Variants in BTNL9 observed in about 807,000 individuals in gnomAD.
The protein encoded by BTNL9 is butyrophilin like 9, also known as butyrophilin-like protein 9.
A neutral mutation model predicts 45.8 loss-of-function variants in BTNL9; 45 were observed. That is an observed-to-expected ratio of 0.98 (90% CI 0.77 to 1.26). BTNL9 has a LOEUF of 1.26. Ranked by LOEUF, BTNL9 falls within the 50% of genes most tolerant of loss-of-function variation. The pLI, the probability that BTNL9 is intolerant of heterozygous loss-of-function variation, is 0.00. For missense variants in BTNL9, 784 were observed against 729.7 expected (o/e 1.07, Z -0.86); for synonymous variants, 346 against 330.8 (o/e 1.05, Z -0.50).
intron 2 of BTNL9, 61 bp from the exon 3 acceptor site, chr5:181,047,866 T>C: frequency 7.1e-7 from 1 of 1,415,358 alleles, no homozygotes; most frequent in Non-Finnish European, 9.7e-7. Context: ...TAAAGGGGTG[T>C]GATAACTTTT....
intron 3 of BTNL9, among the ~76,000 whole-genome samples, chr5:181,049,451 G>A (rs79849473): frequency 0.013 from 2,024 of 152,266 alleles, 50 homozygotes; most frequent in African/African-American, 0.046. Context: ...AGAAAAGTAA[G>A]ATGCAAGGTT....
chr5:181,048,153 C>T lies in BTNL9; in HGVS notation c.336C>T (p.Ala112=). 2 of 1,613,580 alleles carry T rather than the reference C, an allele frequency of 1.2e-6. No individual in the cohort carries two copies. Among genetic ancestry groups the T allele is most frequent in the South Asian group, 2.2e-5 (2 of 91,076 alleles). The change falls in exon 3 of 11, where the codon GCC becomes GCT. Residue 112 remains alanine (A), a synonymous_variant. Coordinates refer to ENST00000327705, the MANE Select transcript of BTNL9 (RefSeq NM_152547.5). ...CCAAGTTGGTCAAGGACGACATCGC[C>T]TATGGCAGCGTGGTCCTGCAGCTTC... The part of the protein sequence containing the change: ...NRTKLVKDDI[A]YGSVVLQLHS...
rs1761442960 is a variant in BTNL9, at chr5:181,049,955, C to T, written c.455-133C>T. 5 of 1,184,666 alleles carry T rather than the reference C, an allele frequency of 4.2e-6. No homozygotes were observed. The East Asian group carries it at 9.5e-5, about 23-fold the overall frequency. The allele number at this position is 1,184,666 out of a possible 1,614,324, so 73.4% of individuals were successfully genotyped here. ...CCGTCCATGGGCGGGGAGCGCCAAG[C>T]CCACACACGTCTTAATAGCAGTCAC... is the stretch of plus-strand genomic sequence containing the variant. On this transcript the variant is annotated intron_variant, in intron 3 of 10. Transcript: ENST00000327705.
chr5:181,044,365 C>G (rs1187659223), intron 1 of BTNL9, among the ~76,000 whole-genome samples: 1 of 152,106 alleles, frequency 6.6e-6, no homozygotes, highest in Non-Finnish European at 1.5e-5. Flanking sequence ...TGGGGGCCGA[C>G]GGGGAGACAG....
chr5:181,055,189 T>C lies in BTNL9; in HGVS notation c.908-244T>C. On this transcript the variant is annotated intron_variant, in intron 7 of 10. Coordinates refer to ENST00000327705, the MANE Select transcript of BTNL9 (RefSeq NM_152547.5). This position sits in a 1 kb window ranked among gnomAD's most constrained non-coding sequence, Gnocchi z 4.4. ...GAGGCCTGTCAGTACTAAGATCTGG[T>C]ATCCCTTCTAGGCTGTGTGCAGATT... 7.4e-7 allele frequency: 1 copy of C among 1,358,362 alleles called. No individual in the cohort carries two copies. Among genetic ancestry groups the C allele is most frequent in the Non-Finnish European group, 9.5e-7 (1 of 1,055,434 alleles). 84.1% of individuals were successfully genotyped at this position (1,358,362 alleles called of 1,614,324 possible).
rs896854809 is a variant in BTNL9 at position 181,054,464 on chromosome 5, C to G, written c.907+205C>G. On this transcript the variant is annotated intron_variant, in intron 7 of 10. Transcript: ENST00000327705. Reference sequence around the variant, plus strand: ...CTGCCCGAGACCCTCTGCACAGACCCTGCCAGCTCCTCCCCTGCAAATTAG... The same window carrying G: ...CTGCCCGAGACCCTCTGCACAGACCGTGCCAGCTCCTCCCCTGCAAATTAG... 21 of 985,352 alleles carry G rather than the reference C, an allele frequency of 2.1e-5. No individual in the cohort carries two copies. In the East Asian group the frequency reaches 2.3e-3, roughly 106 times the overall value. 61.0% of individuals were successfully genotyped at this position (985,352 alleles called of 1,614,324 possible).
intron 6 of BTNL9, 28 bp from the exon 7 acceptor site, chr5:181,054,211 T>C: frequency 6.2e-7 from 1 of 1,611,504 alleles, no homozygotes; most frequent in Non-Finnish European, 8.5e-7. Flanking sequence ...TCCCCTTTTC[T>C]TCATCTTTTT....
rs1760842913 is a variant in BTNL9 at position 181,042,757 on chromosome 5, C to T, written c.-24+2325C>T. ...GCAGCGGGATTTTAAATTTTGTATTCATTAGTTGGCTGGTTGGCTGGTTTT... is the reference window on the plus strand; with the variant it reads ...GCAGCGGGATTTTAAATTTTGTATTTATTAGTTGGCTGGTTGGCTGGTTTT... On this transcript the variant is annotated intron_variant, in intron 1 of 10. Transcript: ENST00000327705. This position sits in a 1 kb window ranked among gnomAD's most constrained non-coding sequence, Gnocchi z 4.5. Among the ~76,000 whole-genome samples the T allele has an allele frequency of 1.3e-5, 2 of 152,250 alleles. No individual in the cohort carries two copies.
chr5:181,048,227 C>G lies in BTNL9; in HGVS notation c.410C>G (p.Ser137Cys). Residue 137 changes from serine to cysteine, a missense_variant, in exon 3 of 11, where the codon TCC (serine) becomes TGC (cysteine). Physicochemically the swap from Ser to Cys is moderately radical, Grantham distance 112. Transcript: ENST00000327705. Reference sequence around the variant, plus strand: ...GGCACATATGGCTGCCGCTTCCACTCCGACAACTTCTCTGGCGAAGCTCTC... The same window carrying G: ...GGCACATATGGCTGCCGCTTCCACTGCGACAACTTCTCTGGCGAAGCTCTC... ...DKGTYGCRFH[S>C]DNFSGEALWE... 6.2e-7 allele frequency: 1 copy of G among 1,612,548 alleles called. No individual in the cohort carries two copies. The highest frequency in any genetic ancestry group is 8.5e-7 in the Non-Finnish European group (1 of 1,179,372).
At chr5:181,058,037 ACTT>A (rs1761971135) in intron 9 of BTNL9, among the ~76,000 whole-genome samples, 2 of 152,162 alleles carry the variant, frequency 1.3e-5, no homozygotes, top group Admixed American at 1.3e-4. Flanking sequence ...CTGAGGCTCC[ACTT>A]CTGTCTCTCA....
chr5:181,053,483 C>T lies in BTNL9; in HGVS notation c.868C>T (p.Gln290Ter), dbSNP rs1049279567. The change falls in exon 6 of 11, where the codon CAG becomes TAG. Residue 290 changes from glutamine to a stop codon, truncating the protein, a stop_gained. Transcript: ENST00000327705. LOFTEE classifies it high-confidence loss of function. This position sits in a 1 kb window ranked among gnomAD's most constrained non-coding sequence, Gnocchi z 6.5. ...QRRSREKLRKQAEKRQEKLTA... is the reference protein window; with the variant it reads ...QRRSREKLRK ...TTTCCCTTCAGAAAAGCTGAGGAAGCAGGCGGAGAAGAGACAAGGTGAGCG... is the reference window on the plus strand; with the variant it reads ...TTTCCCTTCAGAAAAGCTGAGGAAGTAGGCGGAGAAGAGACAAGGTGAGCG... 3.2e-6 allele frequency: 5 copies of T among 1,578,764 alleles called. No individual in the cohort carries two copies. The highest frequency in any genetic ancestry group is 4.3e-6 in the Non-Finnish European group (5 of 1,162,594).
chr5:181,056,366 T>G (rs1761882058), intron 9 of BTNL9, among the ~76,000 whole-genome samples: 1 of 152,230 alleles, frequency 6.6e-6, no homozygotes. Flanking sequence ...GTATATATTT[T>G]GTATATATTC....
chr5:181,060,123 G>A lies in BTNL9; in HGVS notation c.*261G>A, dbSNP rs1762093851. The A allele has an allele frequency of 6.6e-6, 3 of 457,162 alleles. No homozygotes were observed. The highest frequency in any genetic ancestry group is 1.1e-5 in the Non-Finnish European group (3 of 261,238). 28.3% of individuals were successfully genotyped at this position (457,162 alleles called of 1,614,324 possible). A position where few individuals can be genotyped will look rare whatever the true frequency, so the allele number is the denominator to read the frequency against. On this transcript the variant is annotated 3_prime_UTR_variant, in exon 11 of 11. Coordinates refer to ENST00000327705, the MANE Select transcript of BTNL9 (RefSeq NM_152547.5). ...TATATCCACGTCGCTCAGAGCTGGG[G>A]TGCTCACGGTGGGCGGTGGGCAAGA...
rs780999341 is a variant in BTNL9, at chr5:181,055,833, C to G, written c.929-156C>G. 1.2e-5 allele frequency: 10 copies of G among 835,768 alleles called. No homozygotes were observed. The highest frequency in any genetic ancestry group is 1.9e-5 in the Non-Finnish European group (9 of 473,758). The allele number at this position is 835,768 out of a possible 1,614,324, so 51.8% of individuals were successfully genotyped here. ...CATCTGATTCCCCATATATCTTCTT[C>G]TCATCTCCCAACCAGGTATGATGCC... On this transcript the variant is annotated intron_variant, in intron 8 of 10. Coordinates refer to ENST00000327705, the MANE Select transcript of BTNL9 (RefSeq NM_152547.5). The surrounding 1 kb of genome is among the most constrained non-coding windows in gnomAD (Gnocchi z 4.4).
chr5:181,056,428 G>A lies in BTNL9; in HGVS notation c.955+413G>A, dbSNP rs1761885348. ...CATATGCATCTTAGTTCATGTAAGTGACATTTATGGTTCTGTGATGTTCCT... is the reference window on the plus strand; with the variant it reads ...CATATGCATCTTAGTTCATGTAAGTAACATTTATGGTTCTGTGATGTTCCT... On this transcript the variant is annotated intron_variant, in intron 9 of 10. Coordinates refer to ENST00000327705, the MANE Select transcript of BTNL9 (RefSeq NM_152547.5). The A allele has an allele frequency of 4.6e-6, 3 of 653,968 alleles. No homozygotes were observed. In the East Asian group the frequency reaches 8.2e-5, roughly 18 times the overall value. 40.5% of individuals were successfully genotyped at this position (653,968 alleles called of 1,614,324 possible).
Position 181,053,089 on chromosome 5 carries a change from G to T in BTNL9, c.737-111G>T. 8 of 913,602 alleles carry T rather than the reference G, an allele frequency of 8.8e-6. No homozygotes were observed. Among genetic ancestry groups the T allele is most frequent in the Non-Finnish European group, 1.3e-5 (8 of 638,224 alleles). The allele number at this position is 913,602 out of a possible 1,614,324, so 56.6% of individuals were successfully genotyped here. A position where few individuals can be genotyped will look rare whatever the true frequency, so the allele number is the denominator to read the frequency against. On this transcript the variant is annotated intron_variant, in intron 4 of 10. Transcript: ENST00000327705. This position sits in a 1 kb window ranked among gnomAD's most constrained non-coding sequence, Gnocchi z 6.5. ...CCGTTTCCCAGGCGGCTGCGGTGGC[G>T]CCCGGAGAAGGTCCCGCGGGAGGTT...
In BTNL9 at chr5:181,045,555, C is replaced by G; in HGVS notation, c.66C>G (p.Phe22Leu). 6.2e-7 allele frequency: 1 copy of G among 1,612,812 alleles called. No individual in the cohort carries two copies. Among genetic ancestry groups the G allele is most frequent in the South Asian group, 1.1e-5 (1 of 91,084 alleles). The change falls in exon 2 of 11, where the codon TTC (phenylalanine) becomes TTG (leucine). Residue 22 changes from phenylalanine to leucine, a missense_variant. Transcript: ENST00000327705. ...TATCGCTGACCAGCAGTCTTGTCTTCCTCATGCACCTCCTCCTCCTTCAGC... is the reference window on the plus strand; with the variant it reads ...TATCGCTGACCAGCAGTCTTGTCTTGCTCATGCACCTCCTCCTCCTTCAGC... Reference protein sequence around the residue: ...KPVSLTSSLVFLMHLLLLQPG... With the variant: ...KPVSLTSSLVLLMHLLLLQPG...
Position 181,053,959 on chromosome 5 carries a change from G to T in BTNL9, c.887-280G>T, listed in dbSNP as rs189537804. The T allele has an allele frequency of 1.3e-5, 20 of 1,526,144 alleles. No homozygotes were observed. The African/African-American group carries it at 2.6e-4, about 20-fold the overall frequency. 94.5% of individuals were successfully genotyped at this position (1,526,144 alleles called of 1,614,324 possible). A position where few individuals can be genotyped will look rare whatever the true frequency, so the allele number is the denominator to read the frequency against. ...GTGTCCGGGGCTTAACGTTTCCGCC[G>T]AGCTAATAGATTTGGGAGGCTCCGA... is the stretch of plus-strand genomic sequence containing the variant. On this transcript the variant is annotated intron_variant, in intron 6 of 10. Transcript: ENST00000327705. The surrounding 1 kb of genome is among the most constrained non-coding windows in gnomAD (Gnocchi z 6.5).
chr5:181,047,357 G>A (rs757999635), intron 2 of BTNL9: 2 of 274,386 alleles, frequency 7.3e-6, no homozygotes, highest in South Asian at 1.4e-4. Flanking sequence ...AAAACCTGTG[G>A]AGCAGGAAGC....
Sources: gnomAD v4.1 joint callset for allele counts (sites outside exome capture counted in the v4.1 genomes callset) on GRCh38, gnomAD v4.1.1 for gene constraint, Gnocchi (gnomAD v3.1) non-coding constraint, MANE v1.5 for transcripts, NCBI Gene and HGNC (gene_info 2026-07-23, HGNC 2026-07-21) for gene names.